Variants in CDC14B observed in about 807,000 individuals in gnomAD.
The protein encoded by CDC14B is dual specificity protein phosphatase CDC14B.
In CDC14B, 22 loss-of-function variants were observed where a neutral mutation model predicts 64.2. The ratio of observed to expected loss-of-function variants is 0.34; its 90% CI spans 0.24 to 0.49. The LOEUF (loss-of-function observed/expected upper bound fraction) is 0.49. CDC14B is among the 20% of genes least tolerant of loss of function. CDC14B has a pLI of 0.99. For missense variants in CDC14B, 498 were observed against 629.9 expected, an observed-to-expected ratio of 0.79 and a Z score of 2.24; for synonymous variants, 191 against 215.8, an observed-to-expected ratio of 0.89 and a Z score of 1.01.
intron 5 of CDC14B, among the ~76,000 whole-genome samples, chr9:96,549,045 C>T (rs1369867413): frequency 2.0e-5 from 3 of 152,092 alleles, no homozygotes; most frequent in Non-Finnish European, 4.4e-5. Context: ...GATTGGACTA[C>T]TTTCTAATTG....
intron 5 of CDC14B, among the ~76,000 whole-genome samples, chr9:96,542,532 C>T (rs971561179): frequency 1.3e-5 from 2 of 152,016 alleles, no homozygotes; most frequent in African/African-American, 2.4e-5. Context: ...ACGTCTTGCC[C>T]TGTTGCCCAT....
downstream of CDC14B, among the ~76,000 whole-genome samples, chr9:96,497,252 G>A (rs986247625): frequency 1.3e-5 from 2 of 152,218 alleles, no homozygotes; most frequent in South Asian, 4.1e-4. Context: ...TCAAAGCCAT[G>A]CAGACTTGCT....
At chr9:96,612,838 A>G (rs1362770989) in intron 1 of CDC14B, among the ~76,000 whole-genome samples, 1 of 152,230 alleles carries the variant, frequency 6.6e-6, no homozygotes, top group Non-Finnish European at 1.5e-5. Context: ...TCATTTGCAC[A>G]TATTCATTAT....
intron 9 of CDC14B, among the ~76,000 whole-genome samples, chr9:96,525,120 T>C (rs118057463): frequency 0.012 from 1,786 of 152,034 alleles, 18 homozygotes; most frequent in Non-Finnish European, 0.018. Flanking sequence ...AGTCAGAAAA[T>C]TCTCAGGCTA....
chr9:96,495,945 C>T (rs891906064), downstream of CDC14B, among the ~76,000 whole-genome samples: 3 of 152,196 alleles, frequency 2.0e-5, no homozygotes, highest in Non-Finnish European at 4.4e-5. Context: ...ACTAAGTTGA[C>T]CCATCGATGC....
At chr9:96,563,759 T>G (rs1254681791) in intron 3 of CDC14B, among the ~76,000 whole-genome samples, 1 of 151,950 alleles carries the variant, frequency 6.6e-6, no homozygotes, top group Non-Finnish European at 1.5e-5. Context: ...GAAAAAAATT[T>G]TTTTCCAAAA....
At chr9:96,507,106 C>T (rs1834237340) in intron 13 of CDC14B, among the ~76,000 whole-genome samples, 1 of 152,094 alleles carries the variant, frequency 6.6e-6, no homozygotes, top group Non-Finnish European at 1.5e-5. Context: ...TCAGCCTGGC[C>T]AAAATGGTGA....
intron 4 of CDC14B, 82 bp from the exon 5 acceptor site, chr9:96,551,954 A>G (rs778367080): frequency 4.4e-5 from 67 of 1,510,324 alleles, no homozygotes; most frequent in Non-Finnish European, 5.9e-5. Context: ...ATTTTGTCCA[A>G]TTTCCAACCA....
At chr9:96,566,278 G>T (rs543789212) in intron 1 of CDC14B, among the ~76,000 whole-genome samples, 1 of 152,006 alleles carries the variant, frequency 6.6e-6, no homozygotes, top group East Asian at 1.9e-4. Flanking sequence ...CACTCACAAC[G>T]TGGCAAAATC....
intron 5 of CDC14B, among the ~76,000 whole-genome samples, chr9:96,549,334 A>G (rs1841453469): frequency 6.6e-6 from 1 of 152,188 alleles, no homozygotes; most frequent in South Asian, 2.1e-4. Context: ...CTTATTCTCA[A>G]CTTCTGTATT....
At chr9:96,507,336 G>T (rs999152121) in intron 13 of CDC14B, among the ~76,000 whole-genome samples, 1 of 148,072 alleles carries the variant, frequency 6.8e-6, no homozygotes, top group Non-Finnish European at 1.5e-5. Flanking sequence ...AAAAGCCTGA[G>T]CACTCATACC....
intron 5 of CDC14B, among the ~76,000 whole-genome samples, chr9:96,545,752 C>T (rs1425257100): frequency 1.3e-5 from 2 of 151,940 alleles, no homozygotes; most frequent in Admixed American, 1.3e-4. Context: ...GGCACAGCCC[C>T]GCTCCAATCT....
chr9:96,535,432 G>A (rs906791863), intron 7 of CDC14B, among the ~76,000 whole-genome samples: 1 of 152,152 alleles, frequency 6.6e-6, no homozygotes, highest in Non-Finnish European at 1.5e-5. Context: ...TGATATGTAA[G>A]ACATGTTACT....
intron 5 of CDC14B, among the ~76,000 whole-genome samples, chr9:96,550,409 T>C (rs141119809): frequency 2.0e-5 from 3 of 152,324 alleles, no homozygotes; most frequent in East Asian, 3.9e-4. Context: ...GGCAGGCCTA[T>C]AAAGTTATTT....
intron 1 of CDC14B, chr9:96,567,268 C>A (rs963415270): frequency 2.4e-5 from 4 of 163,472 alleles, no homozygotes; most frequent in Non-Finnish European, 5.3e-5. Flanking sequence ...CTGCCCCAGG[C>A]CAGGGACAGA....
intron 12 of CDC14B, among the ~76,000 whole-genome samples, chr9:96,518,619 C>T (rs1190846399): frequency 6.6e-6 from 1 of 152,146 alleles, no homozygotes; most frequent in Non-Finnish European, 1.5e-5. Flanking sequence ...GTTATACCCA[C>T]ACCATCTTAT....
At chr9:96,571,320 C>T (rs1256044604) in intron 1 of CDC14B, among the ~76,000 whole-genome samples, 2 of 151,832 alleles carry the variant, frequency 1.3e-5, no homozygotes, top group African/African-American at 4.8e-5. Flanking sequence ...GGACTACAGG[C>T]GTGTGCCACC....
At chr9:96,512,809 C>T (rs1835097528) in intron 12 of CDC14B, among the ~76,000 whole-genome samples, 1 of 152,012 alleles carries the variant, frequency 6.6e-6, no homozygotes, top group South Asian at 2.1e-4. Flanking sequence ...CCCTCGGCCA[C>T]TCCCTTACGC....
intron 4 of CDC14B, among the ~76,000 whole-genome samples, chr9:96,554,545 T>A (rs1238467285): frequency 2.0e-5 from 3 of 152,190 alleles, no homozygotes; most frequent in Non-Finnish European, 4.4e-5. Context: ...TGTAACATTT[T>A]TTTCCTATGG....
Sources: allele counts gnomAD v4.1 joint callset (sites outside exome capture counted in the v4.1 genomes callset), GRCh38; gene constraint gnomAD v4.1.1; transcripts MANE v1.5; gene names NCBI Gene and HGNC (gene_info 2026-07-23, HGNC 2026-07-21).